Variants in TBCK observed in about 807,000 individuals in gnomAD.
TBCK encodes TBC1 domain containing kinase.
TBCK carries 99 observed loss-of-function variants against 113.4 expected under a neutral mutation model. The observed-to-expected ratio is 0.87, with a 90% CI of 0.74 to 1.03. The LOEUF is 1.03. Ranked by LOEUF, TBCK falls within the 50% of genes least tolerant of loss-of-function variation. The probability of loss-of-function intolerance (pLI) is 0.00; values close to 1 mark genes in which losing one functional copy is unlikely to be tolerated. For synonymous variants in TBCK, 369 were observed against 370.8 expected, an observed-to-expected ratio of 1.00 and a Z score of 0.05; for missense variants, 1,045 against 1,061.3, an observed-to-expected ratio of 0.98 and a Z score of 0.21.
At chr4:106,165,219 T>C (rs1750232152) in intron 23 of TBCK, among the ~76,000 whole-genome samples, 1 of 151,802 alleles carries the variant, frequency 6.6e-6, no homozygotes, top group African/African-American at 2.4e-5. Context: ...ATTACATATC[T>C]TTACTTATTA....
intron 5 of TBCK, among the ~76,000 whole-genome samples, chr4:106,252,373 A>G (rs547152704): frequency 2.3e-4 from 34 of 149,478 alleles, no homozygotes; most frequent in African/African-American, 8.2e-4. Flanking sequence ...ATCTTTTAAA[A>G]AAGTATTTAT....
At chr4:106,183,046 A>C (rs1252552388) in intron 22 of TBCK, among the ~76,000 whole-genome samples, 1 of 152,078 alleles carries the variant, frequency 6.6e-6, no homozygotes, top group Non-Finnish European at 1.5e-5. Context: ...GAATTCTAAA[A>C]TATTAGAAAT....
At chr4:106,156,269 G>A (rs1280742253) in intron 23 of TBCK, among the ~76,000 whole-genome samples, 4 of 152,120 alleles carry the variant, frequency 2.6e-5, no homozygotes, top group Admixed American at 6.5e-5. Context: ...TTGGGGTGGT[G>A]TGACACAAGC....
At chr4:106,088,246 A>C (rs543435230) in intron 25 of TBCK, among the ~76,000 whole-genome samples, 1 of 152,350 alleles carries the variant, frequency 6.6e-6, no homozygotes, top group Non-Finnish European at 1.5e-5. Flanking sequence ...GAACTTAAAC[A>C]TATTTACAAG....
intron 20 of TBCK, among the ~76,000 whole-genome samples, chr4:106,210,772 C>A (rs1756038799): frequency 1.3e-5 from 2 of 152,112 alleles, no homozygotes. Flanking sequence ...ACACAGTAAA[C>A]ATTTAATATG....
chr4:106,119,627 C>T (rs1195519262), intron 23 of TBCK, among the ~76,000 whole-genome samples: 1 of 152,106 alleles, frequency 6.6e-6, no homozygotes, highest in Non-Finnish European at 1.5e-5. Flanking sequence ...GATAAGACCT[C>T]AAAAGCACAG....
At chr4:106,182,952 C>T (rs780659976) in intron 22 of TBCK, among the ~76,000 whole-genome samples, 1 of 152,036 alleles carries the variant, frequency 6.6e-6, no homozygotes, top group South Asian at 2.1e-4. Flanking sequence ...TTGAGTAACT[C>T]ACTGATCCAC....
intron 20 of TBCK, among the ~76,000 whole-genome samples, chr4:106,210,591 A>C (rs996130651): frequency 2.6e-5 from 4 of 152,156 alleles, no homozygotes; most frequent in African/African-American, 9.7e-5. Flanking sequence ...ATTTTAACTG[A>C]TTCCCACCTA....
intron 23 of TBCK, among the ~76,000 whole-genome samples, chr4:106,123,555 A>G (rs973221715): frequency 1.3e-5 from 2 of 152,166 alleles, no homozygotes; most frequent in Admixed American, 6.5e-5. Context: ...AAAAGAGCCC[A>G]CATCGCCAAG....
chr4:106,093,243 A>G (rs1231859435), intron 25 of TBCK, among the ~76,000 whole-genome samples: 3 of 152,202 alleles, frequency 2.0e-5, no homozygotes, highest in Non-Finnish European at 2.9e-5. Context: ...GCGGAGGCTC[A>G]CGCCTGTAAT....
intron 23 of TBCK, among the ~76,000 whole-genome samples, chr4:106,145,183 T>A (rs1183323883): frequency 6.6e-6 from 1 of 151,902 alleles, no homozygotes; most frequent in Non-Finnish European, 1.5e-5. Context: ...CTGGGAGTGG[T>A]CGCGTGAGCC....
At chr4:106,298,335 C>T (rs917529292) in intron 2 of TBCK, among the ~76,000 whole-genome samples, 4 of 151,938 alleles carry the variant, frequency 2.6e-5, no homozygotes, top group African/African-American at 7.3e-5. Flanking sequence ...AAGACGTGGC[C>T]GGGCACGGTA....
chr4:106,268,331 A>C (rs1763171298), intron 3 of TBCK, among the ~76,000 whole-genome samples: 1 of 152,034 alleles, frequency 6.6e-6, no homozygotes, highest in Non-Finnish European at 1.5e-5. Flanking sequence ...ATTTCTATAT[A>C]AGCTTGTCTT....
chr4:106,208,837 C>G (rs1755821343), intron 20 of TBCK, among the ~76,000 whole-genome samples: 1 of 152,156 alleles, frequency 6.6e-6, no homozygotes, highest in Admixed American at 6.5e-5. Context: ...GCTGTAACAC[C>G]CCCTTTGGGG....
intron 21 of TBCK, 27 bp downstream of exon 21, chr4:106,194,690 CA>C (rs1434810808): frequency 9.5e-6 from 15 of 1,582,872 alleles, no homozygotes; most frequent in Admixed American, 5.5e-5. Context: ...AATACAATAT[CA>C]AAAAAACCGG....
At chr4:106,129,333 C>T (rs1439150532) in intron 23 of TBCK, among the ~76,000 whole-genome samples, 29 of 152,174 alleles carry the variant, frequency 1.9e-4, no homozygotes, top group Admixed American at 1.9e-3. Context: ...TGTTGTTCCC[C>T]TCCCTGTGCC....
intron 24 of TBCK, among the ~76,000 whole-genome samples, chr4:106,109,655 C>T (rs187398321): frequency 9.7e-4 from 147 of 152,234 alleles, no homozygotes; most frequent in African/African-American, 3.4e-3. Flanking sequence ...TAATGTAAAA[C>T]CCAAAACTAT....
At chr4:106,217,311 A>T (rs1281195600) in intron 19 of TBCK, among the ~76,000 whole-genome samples, 1 of 152,168 alleles carries the variant, frequency 6.6e-6, no homozygotes, top group African/African-American at 2.4e-5. Flanking sequence ...CTGGCACAAG[A>T]CAGGGATGAC....
rs79653575 is a variant in TBCK at position 106,081,098 on chromosome 4, C to T, written c.2571+14384G>A. Among the ~76,000 whole-genome samples, 850 of 152,108 alleles carry T rather than the reference C, an allele frequency of 5.6e-3. 6 individuals are homozygous for T. The highest frequency in any genetic ancestry group is 0.02 in the African/African-American group (817 of 41,554). On this transcript the variant is annotated intron_variant, in intron 25 of 25. Coordinates refer to ENST00000394708, the MANE Select transcript of TBCK (RefSeq NM_001163435.3). ...GTAAGTTAGTTGAACCATTGTGGAACTAACTGGAATTGCCATCAGTATGGC... is the reference window on the plus strand; with the variant it reads ...GTAAGTTAGTTGAACCATTGTGGAATTAACTGGAATTGCCATCAGTATGGC...
Sources: gnomAD v4.1 joint callset for allele counts (sites outside exome capture counted in the v4.1 genomes callset) on GRCh38, gnomAD v4.1.1 for gene constraint, MANE v1.5 for transcripts, NCBI Gene and HGNC (gene_info 2026-07-23, HGNC 2026-07-21) for gene names.